GNL3L: variants seen among roughly 807,000 people sequenced by gnomAD.
The protein encoded by GNL3L is G protein nucleolar 3 like.
In GNL3L, 4 loss-of-function variants were observed where a neutral mutation model predicts 42.9. The observed-to-expected ratio is 0.09, with a 90% confidence interval of 0.05 to 0.21. GNL3L has a LOEUF of 0.21. Among genes scored for constraint, GNL3L ranks in the 10% least tolerant of loss-of-function variants. GNL3L has a pLI of 1.00. For missense variants in GNL3L, 412 were observed against 481.7 expected (o/e 0.86, Z 1.36); for synonymous variants, 159 against 176.3 (o/e 0.90, Z 0.78).
chrX:54,544,352 G>A, intron 8 of GNL3L, 26 bp downstream of exon 8: 1 of 837,550 alleles, frequency 1.2e-6, no homozygotes, highest in South Asian at 2.1e-5. Flanking sequence ...GGGTCATCTA[G>A]CCGCTTTCAG....
chrX:54,607,003 T>C (rs866699091), intron 16 of GNL3L, among the ~76,000 whole-genome samples: 37 of 19,869 alleles, frequency 1.9e-3, no homozygotes, highest in Non-Finnish European at 2.6e-3. Context: ...TTCCTTTCTT[T>C]CTTTCTTTCT....
rs772121803 is a variant in GNL3L at position 54,554,604 on chromosome X, C to T, written c.1358C>T (p.Thr453Met). Residue 453 changes from threonine to methionine, a missense_variant, in exon 14 of 16, where the codon ACG becomes ATG. Physicochemically the swap from Thr to Met is moderately conservative, Grantham distance 81 (BLOSUM62 -1). Transcript: ENST00000360845. ...GAATCTGATGAGCTGTTGGGTGACACGGACCCACTTGAAATGGAGATCAAG... is the reference window on the plus strand; with the variant it reads ...GAATCTGATGAGCTGTTGGGTGACATGGACCCACTTGAAATGGAGATCAAG... ...TGESDELLGD[T>M]DPLEMEIKLL... The T allele has an allele frequency of 5.0e-6, 6 of 1,202,306 alleles. No homozygotes were observed. Among genetic ancestry groups the T allele is most frequent in the South Asian group, 3.5e-5 (2 of 56,663 alleles).
chrX:54,554,506 C>T, intron 13 of GNL3L, 59 bp from the exon 14 acceptor site: 1 of 1,166,829 alleles, frequency 8.6e-7, no homozygotes, highest in Admixed American at 2.2e-5. Flanking sequence ...GAGGCCTGAC[C>T]AGGGGGCTGG....
chrX:54,630,187 T>G, the GNL3L span, among the ~76,000 whole-genome samples: 2 of 111,269 alleles, frequency 1.8e-5, no homozygotes, highest in African/African-American at 6.5e-5. Context: ...TCAATTTTGT[T>G]TATCTTTTCA....
At chrX:54,630,652 T>G in the GNL3L span, among the ~76,000 whole-genome samples, 637 of 89,319 alleles carry the variant, frequency 7.1e-3, 7 homozygotes, top group African/African-American at 0.026. Flanking sequence ...TTTGTTTTCT[T>G]TTCTCCTTCT....
downstream of GNL3L, among the ~76,000 whole-genome samples, chrX:54,622,818 A>G (rs904738154): frequency 1.8e-5 from 2 of 110,980 alleles, no homozygotes; most frequent in African/African-American, 6.6e-5. Context: ...AGATTTACCC[A>G]TATATATTTT....
chrX:54,639,001 GTT>G, the GNL3L span, among the ~76,000 whole-genome samples: 1 of 111,938 alleles, frequency 8.9e-6, no homozygotes, highest in African/African-American at 3.3e-5. Flanking sequence ...AACAATCTGT[GTT>G]TTAACAAAGC....
chrX:54,572,213 G>A (rs1419289718), downstream of GNL3L, among the ~76,000 whole-genome samples: 1 of 107,643 alleles, frequency 9.3e-6, no homozygotes, highest in Admixed American at 1.0e-4. Flanking sequence ...GACTCTTAAC[G>A]AGCATGCTGC....
At chrX:54,618,455 T>C (rs1042605288) in intron 16 of GNL3L, among the ~76,000 whole-genome samples, 1 of 111,936 alleles carries the variant, frequency 8.9e-6, no homozygotes, top group African/African-American at 3.2e-5. Context: ...GGTGATGTGG[T>C]AATCTTGCCT....
At chrX:54,601,690 G>GTTATCACAACCAGGAT (rs1239740989) in intron 16 of GNL3L, among the ~76,000 whole-genome samples, 7 of 111,294 alleles carry the variant, frequency 6.3e-5, no homozygotes, top group Admixed American at 2.9e-4. Flanking sequence ...GTTAATCCTG[G>GTTATCACAACCAGGAT]TTATCACAAC....
At chrX:54,607,017 T>C (rs1004615921) in intron 16 of GNL3L, among the ~76,000 whole-genome samples, 2 of 52,850 alleles carry the variant, frequency 3.8e-5, no homozygotes, top group Admixed American at 2.3e-4. Context: ...TCTTTCTTTC[T>C]TTCTTTCTTT....
In GNL3L at chrX:54,558,565, C is replaced by T; in HGVS notation, c.1576C>T (p.Leu526=). 8.3e-7 allele frequency: 1 copy of T among 1,210,104 alleles called. No homozygotes were observed. Among genetic ancestry groups the T allele is most frequent in the Non-Finnish European group, 1.1e-6 (1 of 894,026 alleles). Residue 526 remains leucine (L), a synonymous_variant, in exon 15 of 16, where the codon CTG becomes TTG. Coordinates refer to ENST00000360845, the MANE Select transcript of GNL3L (RefSeq NM_001184819.2). ...DVCSVDRRSV[L]QRIMETDPLQ... ...CTGCTCAGTGGACCGCCGCTCAGTG[C>T]TGCAGAGGATCATGGAGACGGACCC...
At chrX:54,531,619 T>C (rs1262515541) in intron 1 of GNL3L, among the ~76,000 whole-genome samples, 1 of 111,482 alleles carries the variant, frequency 9.0e-6, no homozygotes, top group African/African-American at 3.3e-5. Flanking sequence ...ACAGTCCACC[T>C]TCCATAGAAG....
rs370321683 is a variant in GNL3L, at chrX:54,539,133, A to C, written c.81+32A>C. ...TATGCCTGTTGTTGAGGGTAAGGTC[A>C]AGAACAGGTTGCTTGTCCTGGGAGA... is the stretch of plus-strand genomic sequence containing the variant. On this transcript the variant is annotated intron_variant, in intron 3 of 15. Coordinates refer to ENST00000360845, the MANE Select transcript of GNL3L (RefSeq NM_001184819.2). 12 of 845,143 alleles carry C rather than the reference A, an allele frequency of 1.4e-5. No homozygotes were observed. The African/African-American group carries it at 2.0e-4, about 14-fold the overall frequency. 69.6% of individuals were successfully genotyped at this position (845,143 alleles called of 1,213,427 possible). A position where few individuals can be genotyped will look rare whatever the true frequency, so the allele number is the denominator to read the frequency against.
rs768046799 is a variant in GNL3L, at chrX:54,541,306, C to T, written c.223C>T (p.Arg75Trp). ...EEMREKQQAA[R>W]EQERQKRRTI... Reference sequence around the variant, plus strand: ...GATGAGGGAGAAGCAGCAAGCCGCCCGGGAGCAAGAAAGACAAAAACGCAG... The same window carrying T: ...GATGAGGGAGAAGCAGCAAGCCGCCTGGGAGCAAGAAAGACAAAAACGCAG... The change falls in exon 5 of 16, where the codon CGG becomes TGG. Residue 75 changes from arginine to tryptophan, a missense_variant. Arg to Trp is a moderately radical substitution (Grantham distance 101). Coordinates refer to ENST00000360845, the MANE Select transcript of GNL3L (RefSeq NM_001184819.2). The T allele has an allele frequency of 1.4e-5, 17 of 1,207,057 alleles. No individual in the cohort carries two copies. The highest frequency in any genetic ancestry group is 3.0e-5 in the East Asian group (1 of 33,716).
At position 54,587,377 on chromosome X, in the gene GNL3L, G is replaced by A. The variant is rs962720386; in HGVS notation, c.*45+26730G>A. Among the ~76,000 whole-genome samples, 4 of 112,059 alleles carry A rather than the reference G, an allele frequency of 3.6e-5. No individual in the cohort carries two copies. In the Admixed American group the frequency reaches 3.8e-4, roughly 11 times the overall value. ...GAATTTTCCTCCTATTTATTGTGTT[G>A]GAGTCTATTCCTCACTTTATGCCTA... is the stretch of plus-strand genomic sequence containing the variant. On this transcript the variant is annotated intron_variant, in intron 16 of 16. Coordinates refer to the GNL3L transcript ENST00000674498.
chrX:54,535,395 G>A (rs946758230), intron 2 of GNL3L, among the ~76,000 whole-genome samples: 1 of 111,682 alleles, frequency 9.0e-6, no homozygotes, highest in African/African-American at 3.3e-5. Flanking sequence ...GGGATTACAG[G>A]TGTGAGCCAC....
intron 3 of GNL3L, 128 bp downstream of exon 3, chrX:54,539,229 T>G: frequency 2.7e-6 from 1 of 372,267 alleles, no homozygotes; most frequent in Non-Finnish European, 4.5e-6. Flanking sequence ...GGATCTGGCT[T>G]TCCCTCCTTC....
At position 54,560,798 on chromosome X, in the gene GNL3L, T is replaced by G. The variant is rs1334785978; in HGVS notation, c.*196T>G. 1 of 334,756 alleles carries G rather than the reference T, an allele frequency of 3.0e-6. No individual in the cohort carries two copies. The highest frequency in any genetic ancestry group is 5.3e-6 in the Non-Finnish European group (1 of 189,478). 27.6% of individuals were successfully genotyped at this position (334,756 alleles called of 1,213,427 possible). On this transcript the variant is annotated 3_prime_UTR_variant, in exon 16 of 16. Coordinates refer to ENST00000360845, the MANE Select transcript of GNL3L (RefSeq NM_001184819.2). ...GCTCACGTCTGTAATCCCAGCACTTTGGGAGGCCGAGGTGGGCAGATCACC... is the reference window on the plus strand; with the variant it reads ...GCTCACGTCTGTAATCCCAGCACTTGGGGAGGCCGAGGTGGGCAGATCACC...
Sources: gnomAD v4.1 joint callset for allele counts (sites outside exome capture counted in the v4.1 genomes callset) on GRCh38, gnomAD v4.1.1 for gene constraint, MANE v1.5 for transcripts, NCBI Gene and HGNC (gene_info 2026-07-23, HGNC 2026-07-21) for gene names.